Variants in SEMA3D observed in about 807,000 individuals in gnomAD.
The protein encoded by SEMA3D is semaphorin 3D.
In SEMA3D, 84 loss-of-function variants were observed where a neutral mutation model predicts 100.1. That is an observed-to-expected ratio of 0.84 (90% CI 0.70 to 1.01). The LOEUF (loss-of-function observed/expected upper bound fraction) is 1.01, where lower values mean the gene tolerates loss of function less well. Among genes scored for constraint, SEMA3D ranks in the 50% least tolerant of loss-of-function variants. SEMA3D has a pLI of 0.00. For synonymous variants in SEMA3D, 312 were observed against 320.7 expected (o/e 0.97, Z 0.29); for missense variants, 875 against 934.1 (o/e 0.94, Z 0.82).
the SEMA3D span, among the ~76,000 whole-genome samples, chr7:85,207,337 A>G: frequency 6.6e-6 from 1 of 152,118 alleles, no homozygotes; most frequent in Non-Finnish European, 1.5e-5. Flanking sequence ...ACCAATTTTC[A>G]TACATTGACA....
intron 1 of SEMA3D, among the ~76,000 whole-genome samples, chr7:85,177,810 G>A (rs1562846044): frequency 6.6e-6 from 1 of 152,238 alleles, no homozygotes; most frequent in East Asian, 1.9e-4. Flanking sequence ...GTGGTAAATG[G>A]AAGTAGAGGA....
In SEMA3D at chr7:85,120,773, A is replaced by G. The variant is rs137998353; in HGVS notation, c.151+968T>C. ...AGATAAAAACGTCCTAGATTACCAA[A>G]AAATATACTTCCAATTTAAATGAGT... On this transcript the variant is annotated intron_variant, in intron 3 of 18. Transcript: ENST00000284136. 1.2e-4 allele frequency among the ~76,000 whole-genome samples: 19 copies of G among 152,292 alleles called. 1 individual carries two copies. In the East Asian group the frequency reaches 3.1e-3, roughly 25 times the overall value.
chr7:85,166,843 C>G (rs1790920536), intron 1 of SEMA3D, among the ~76,000 whole-genome samples: 1 of 151,890 alleles, frequency 6.6e-6, no homozygotes, highest in Non-Finnish European at 1.5e-5. Context: ...TTATTTTTGA[C>G]ATTTTATATC....
At chr7:85,231,666 G>C in the SEMA3D span, among the ~76,000 whole-genome samples, 2 of 151,936 alleles carry the variant, frequency 1.3e-5, no homozygotes, top group African/African-American at 4.8e-5. Flanking sequence ...TAGCCAGGAT[G>C]GTCTCGATCT....
At chr7:85,183,419 T>C (rs1230826427) in intron 1 of SEMA3D, among the ~76,000 whole-genome samples, 1 of 152,206 alleles carries the variant, frequency 6.6e-6, no homozygotes, top group Non-Finnish European at 1.5e-5. Flanking sequence ...ATCAGCTTGG[T>C]GACTCAAGTT....
intron 18 of SEMA3D, among the ~76,000 whole-genome samples, chr7:85,002,278 C>T (rs894831561): frequency 6.6e-6 from 1 of 152,106 alleles, no homozygotes; most frequent in Non-Finnish European, 1.5e-5. Flanking sequence ...AGATATCATA[C>T]TTGATTTAAT....
chr7:85,089,944 G>A (rs2116276115), intron 4 of SEMA3D, among the ~76,000 whole-genome samples: 1 of 152,108 alleles, frequency 6.6e-6, no homozygotes, highest in East Asian at 1.9e-4. Context: ...ATGAAAGAGA[G>A]AGAAATGCTA....
At chr7:85,043,064 C>T (rs1311439587) in intron 9 of SEMA3D, among the ~76,000 whole-genome samples, 6 of 152,092 alleles carry the variant, frequency 3.9e-5, no homozygotes, top group Admixed American at 2.6e-4. Flanking sequence ...TAAACATATG[C>T]GTAATAATAC....
chr7:85,176,793 T>TAG (rs71297126), intron 1 of SEMA3D, among the ~76,000 whole-genome samples: 10,208 of 149,854 alleles, frequency 0.068, 855 homozygotes, highest in African/African-American at 0.2. Context: ...TATATATATA[T>TAG]AGAGAGAGAG....
intron 3 of SEMA3D, among the ~76,000 whole-genome samples, chr7:85,100,978 C>A (rs570138349): frequency 3.3e-5 from 5 of 151,938 alleles, no homozygotes; most frequent in Middle Eastern, 3.4e-3. Context: ...TTCTATTAAG[C>A]TAAATACAAC....
Position 85,028,350 on chromosome 7 carries a change from T to G in SEMA3D, c.1192-5737A>C, listed in dbSNP as rs1790448871. 8 of 612,406 alleles carry G rather than the reference T, an allele frequency of 1.3e-5. No individual in the cohort carries two copies. In the Admixed American group the frequency reaches 1.8e-4, roughly 14 times the overall value. 37.9% of individuals were successfully genotyped at this position (612,406 alleles called of 1,614,324 possible). A position where few individuals can be genotyped will look rare whatever the true frequency, so the allele number is the denominator to read the frequency against. ...CTCAATGTACTTGGAATTATCAATG[T>G]GCCAATTGTCGCTGCTATTGCTTAC... On this transcript the variant is annotated intron_variant, in intron 12 of 18. Transcript: ENST00000284136.
At chr7:85,245,975 A>C in the SEMA3D span, among the ~76,000 whole-genome samples, 1 of 152,152 alleles carries the variant, frequency 6.6e-6, no homozygotes, top group African/African-American at 2.4e-5. Flanking sequence ...TAGAAATGGC[A>C]AAACAAACAA....
intron 12 of SEMA3D, among the ~76,000 whole-genome samples, chr7:85,024,945 C>T (rs1248614263): frequency 1.3e-5 from 2 of 151,906 alleles, no homozygotes; most frequent in East Asian, 1.9e-4. Context: ...AGAAAAATTT[C>T]GTAAAAGAAA....
the SEMA3D span, among the ~76,000 whole-genome samples, chr7:85,200,228 G>A: frequency 1.3e-5 from 2 of 152,220 alleles, no homozygotes; most frequent in Non-Finnish European, 2.9e-5. Context: ...ACATGCTGGG[G>A]ATGGAACAGT....
At chr7:85,014,576 G>A (rs1461716109) in intron 16 of SEMA3D, among the ~76,000 whole-genome samples, 1 of 151,726 alleles carries the variant, frequency 6.6e-6, no homozygotes, top group Non-Finnish European at 1.5e-5. Context: ...GGCAGAAATT[G>A]ACCAAGTTAT....
Position 85,012,690 on chromosome 7 carries a change from A to G in SEMA3D, c.1768+92T>C, listed in dbSNP as rs534877828. On this transcript the variant is annotated intron_variant, in intron 17 of 18. Transcript: ENST00000284136. ...TTACACAAAATGGAGATATTCTTAT[A>G]TAATAGATGGTTTAAGTCATATAAT... The G allele has an allele frequency of 3.1e-5, 29 of 939,064 alleles. No homozygotes were observed. The South Asian group carries it at 4.0e-4, about 13-fold the overall frequency. 58.2% of individuals were successfully genotyped at this position (939,064 alleles called of 1,614,324 possible).
At chr7:85,130,940 G>A (rs533043577) in intron 2 of SEMA3D, among the ~76,000 whole-genome samples, 1 of 152,048 alleles carries the variant, frequency 6.6e-6, no homozygotes, top group African/African-American at 2.4e-5. Context: ...TAACCATACT[G>A]TGGCTCATGT....
intron 2 of SEMA3D, chr7:85,151,680 C>A (rs967689061): frequency 5.1e-6 from 5 of 982,156 alleles, no homozygotes; most frequent in Non-Finnish European, 4.8e-6. Context: ...AGTACTATTT[C>A]TTTCATATTC....
At chr7:85,031,009 G>A (rs560860497) in intron 12 of SEMA3D, among the ~76,000 whole-genome samples, 3 of 152,146 alleles carry the variant, frequency 2.0e-5, no homozygotes, top group Admixed American at 6.6e-5. Context: ...CCAGAGGGCA[G>A]AAGAATCATT....
Sources: allele counts gnomAD v4.1 joint callset (sites outside exome capture counted in the v4.1 genomes callset), GRCh38; gene constraint gnomAD v4.1.1; transcripts MANE v1.5; gene names NCBI Gene and HGNC (gene_info 2026-07-23, HGNC 2026-07-21).